FBXO31: variants seen among roughly 807,000 people sequenced by gnomAD.
FBXO31 encodes F-box protein 31.
In FBXO31, 24 loss-of-function variants were observed where a neutral mutation model predicts 54.4. The observed-to-expected ratio is 0.44, with a 90% CI of 0.32 to 0.62. The LOEUF (loss-of-function observed/expected upper bound fraction) is 0.62, where lower values mean the gene tolerates loss of function less well. FBXO31 is among the 20% of genes least tolerant of loss of function. FBXO31 has a pLI of 0.05. For synonymous variants in FBXO31, 388 were observed against 335.6 expected, an observed-to-expected ratio of 1.16 and a Z score of -1.71; for missense variants, 665 against 787.1, an observed-to-expected ratio of 0.84 and a Z score of 1.86.
At chr16:87,375,078 G>C (rs1263771259) in intron 1 of FBXO31, among the ~76,000 whole-genome samples, 3 of 152,156 alleles carry the variant, frequency 2.0e-5, no homozygotes, top group Admixed American at 6.5e-5. Flanking sequence ...CAGCACTTTG[G>C]GAGGCCGAGG....
intron 2 of FBXO31, among the ~76,000 whole-genome samples, chr16:87,359,514 T>C (rs1667650018): frequency 6.6e-6 from 1 of 152,224 alleles, no homozygotes; most frequent in Admixed American, 6.5e-5. Flanking sequence ...GAAATATGTC[T>C]TCATGTCACT....
At chr16:87,339,337 G>C (rs1905122528) in intron 5 of FBXO31, among the ~76,000 whole-genome samples, 1 of 152,192 alleles carries the variant, frequency 6.6e-6, no homozygotes, top group Non-Finnish European at 1.5e-5. Flanking sequence ...GCCTTTAGTG[G>C]AGAGGAGCTC....
chr16:87,335,077 T>C lies in FBXO31; in HGVS notation c.996+227A>G, dbSNP rs34609009. On this transcript the variant is annotated intron_variant, in intron 7 of 8. Coordinates refer to ENST00000311635, the MANE Select transcript of FBXO31 (RefSeq NM_024735.5). This position sits in a 1 kb window ranked among gnomAD's most constrained non-coding sequence, Gnocchi z 5.7. ...GAGCGGTGCTGTGGGAAGGCCACCT[T>C]GGAAGCACACAGACTCCCTGAGGGT... Among the ~76,000 whole-genome samples, 2,158 of 152,214 alleles carry C rather than the reference T, an allele frequency of 0.014. 20 individuals carry two copies. The highest frequency in any genetic ancestry group is 0.022 in the Non-Finnish European group (1,521 of 67,980).
At chr16:87,331,651 G>T in intron 8 of FBXO31, 141 bp from the exon 9 acceptor site, 1 of 733,790 alleles carries the variant, frequency 1.4e-6, no homozygotes, top group Non-Finnish European at 2.2e-6. Flanking sequence ...CCCAGAGCCA[G>T]CCTGTCTCTG....
At chr16:87,380,769 C>G (rs1907043383) in intron 1 of FBXO31, among the ~76,000 whole-genome samples, 1 of 152,224 alleles carries the variant, frequency 6.6e-6, no homozygotes, top group Admixed American at 6.5e-5. Flanking sequence ...CTGAGAACCG[C>G]AGCAGTGGGA....
chr16:87,355,160 C>A (rs1373691162), intron 2 of FBXO31, among the ~76,000 whole-genome samples: 2 of 152,088 alleles, frequency 1.3e-5, no homozygotes, highest in South Asian at 2.1e-4. Flanking sequence ...GAGTTTAAGA[C>A]CAGCCTGGGC....
chr16:87,337,351 G>C (rs1338622658), intron 5 of FBXO31, among the ~76,000 whole-genome samples: 1 of 152,196 alleles, frequency 6.6e-6, no homozygotes. Flanking sequence ...CTCATTCCAA[G>C]AGCACTTCTC....
At position 87,375,967 on chromosome 16, in the gene FBXO31, G is replaced by C. The variant is rs529594329; in HGVS notation, c.340+7438C>G. 9.3e-4 allele frequency among the ~76,000 whole-genome samples: 141 copies of C among 152,338 alleles called. 1 individual carries two copies. Among genetic ancestry groups the C allele is most frequent in the Non-Finnish European group, 1.7e-3 (119 of 68,036 alleles). On this transcript the variant is annotated intron_variant, in intron 1 of 8. Coordinates refer to ENST00000311635, the MANE Select transcript of FBXO31 (RefSeq NM_024735.5). ...ACATGCAGGGGCCAGAGAGGCCACA[G>C]TAGTATAAAAATAACCAACTTACTA...
At chr16:87,384,061 G>A (rs937065614), upstream of FBXO31, 10 of 171,938 alleles carry the variant, frequency 5.8e-5, no homozygotes, top group East Asian at 1.7e-4. Context: ...TTCAGATTAT[G>A]AGACTGACGC....
chr16:87,360,558 T>C (rs1458739120), intron 1 of FBXO31, among the ~76,000 whole-genome samples, 192 bp from the exon 2 acceptor site: 3 of 152,238 alleles, frequency 2.0e-5, no homozygotes, highest in African/African-American at 7.2e-5. Flanking sequence ...GATGAAGACA[T>C]TATTCTATTT....
intron 5 of FBXO31, among the ~76,000 whole-genome samples, chr16:87,337,448 T>C (rs1484241045): frequency 6.6e-6 from 1 of 152,266 alleles, no homozygotes; most frequent in South Asian, 2.1e-4. Context: ...CTGAAATTCC[T>C]ACGGAAAAGC....
At chr16:87,387,280 A>C (rs1358803518), upstream of FBXO31, among the ~76,000 whole-genome samples, 1 of 152,194 alleles carries the variant, frequency 6.6e-6, no homozygotes, top group Non-Finnish European at 1.5e-5. Flanking sequence ...ACACGTTTAC[A>C]ATCCTTTATG....
chr16:87,381,573 C>T (rs1189540041), intron 1 of FBXO31, among the ~76,000 whole-genome samples: 2 of 152,238 alleles, frequency 1.3e-5, no homozygotes. Flanking sequence ...GACCATTAAG[C>T]AACAAAAATA....
intron 1 of FBXO31, among the ~76,000 whole-genome samples, chr16:87,373,148 C>T (rs1280457068): frequency 6.6e-6 from 1 of 152,076 alleles, no homozygotes; most frequent in African/African-American, 2.4e-5. Flanking sequence ...TGATCCACAA[C>T]ACCCAGCCAA....
In FBXO31 at chr16:87,331,160, TG is replaced by T; in HGVS notation, c.*127del. ...ATAAAGTGCTGGGGGGTGGCTGGAC[TG>T]GGCCCCCCGACGAGGTGTGCGTTCT... On this transcript the variant is annotated 3_prime_UTR_variant, in exon 9 of 9. Coordinates refer to ENST00000311635, the MANE Select transcript of FBXO31 (RefSeq NM_024735.5). 1 of 827,642 alleles carries T rather than the reference TG, an allele frequency of 1.2e-6. No homozygotes were observed. Among genetic ancestry groups the T allele is most frequent in the Non-Finnish European group, 1.9e-6 (1 of 518,492 alleles). 51.3% of individuals were successfully genotyped at this position (827,642 alleles called of 1,614,324 possible).
chr16:87,338,291 T>C lies in FBXO31; in HGVS notation c.733-2027A>G, dbSNP rs1905091673. ...TGCACGACAACGATCAACTTCACGT[T>C]GACCCAGGGCCTGCTCACTCAACAC... On this transcript the variant is annotated intron_variant, in intron 5 of 8. Coordinates refer to ENST00000311635, the MANE Select transcript of FBXO31 (RefSeq NM_024735.5). This position sits in a 1 kb window ranked among gnomAD's most constrained non-coding sequence, Gnocchi z 4.3. Among the ~76,000 whole-genome samples the C allele has an allele frequency of 6.6e-6, 1 of 150,860 alleles. No homozygotes were observed. Among genetic ancestry groups the C allele is most frequent in the Non-Finnish European group, 1.5e-5 (1 of 67,896 alleles).
At chr16:87,357,791 G>C (rs1322335671) in intron 2 of FBXO31, among the ~76,000 whole-genome samples, 1 of 152,018 alleles carries the variant, frequency 6.6e-6, no homozygotes, top group Admixed American at 6.5e-5. Flanking sequence ...AAATTTGCTG[G>C]GCATGGTGGT....
rs760582093 is a variant in FBXO31 at position 87,335,138 on chromosome 16, C to A, written c.996+166G>T. Among the ~76,000 whole-genome samples, 16 of 152,228 alleles carry A rather than the reference C, an allele frequency of 1.1e-4. No individual in the cohort carries two copies. The highest frequency in any genetic ancestry group is 1.3e-4 in the Non-Finnish European group (9 of 68,034). On this transcript the variant is annotated intron_variant, in intron 7 of 8. Coordinates refer to ENST00000311635, the MANE Select transcript of FBXO31 (RefSeq NM_024735.5). This position sits in a 1 kb window ranked among gnomAD's most constrained non-coding sequence, Gnocchi z 5.7. ...TGCAATTCTGGTTCAGTGGGGCTGG[C>A]TGGGGCCCGAGAATCTGCTTTCCCA... is the stretch of plus-strand genomic sequence containing the variant.
chr16:87,371,532 C>G (rs991318515), intron 1 of FBXO31, among the ~76,000 whole-genome samples: 1 of 152,266 alleles, frequency 6.6e-6, no homozygotes, highest in East Asian at 1.9e-4. Context: ...GCAGGCCTGA[C>G]GAGTCGTGGC....
Sources: allele counts gnomAD v4.1 joint callset (sites outside exome capture counted in the v4.1 genomes callset), GRCh38; gene constraint gnomAD v4.1.1; non-coding constraint Gnocchi (gnomAD v3.1); transcripts MANE v1.5; gene names NCBI Gene and HGNC (gene_info 2026-07-23, HGNC 2026-07-21).